Variants in AHNAK observed in about 807,000 individuals in gnomAD.
The protein encoded by AHNAK is neuroblast differentiation-associated protein AHNAK.
In AHNAK, 23 loss-of-function variants were observed where a neutral mutation model predicts 37.8. That is an observed-to-expected ratio of 0.61 (90% confidence interval 0.44 to 0.86). AHNAK has a LOEUF of 0.86. AHNAK is among the 40% of genes least tolerant of loss of function. AHNAK has a pLI of 0.00. For missense variants in AHNAK, 7,411 were observed against 7,319.4 expected (o/e 1.01, Z -0.46); for synonymous variants, 2,481 against 2,636.3 (o/e 0.94, Z 1.80).
At position 62,520,927 on chromosome 11, in the gene AHNAK, C is replaced by T. The variant is rs771786900; in HGVS notation, c.13490G>A (p.Gly4497Asp). Residue 4497 changes from glycine to aspartate, a missense_variant, in exon 5 of 5, where the codon GGT (glycine) becomes GAT (aspartate). Coordinates refer to ENST00000378024, the MANE Select transcript of AHNAK (RefSeq NM_001620.3). ...GGGACCTTTGAGCTTCCCTTCAGGACCTTCAATGTCTACCTCTGGCCCTTT... is the reference window on the plus strand; with the variant it reads ...GGGACCTTTGAGCTTCCCTTCAGGATCTTCAATGTCTACCTCTGGCCCTTT... The part of the protein sequence containing the change: ...DLKGPEVDIE[G>D]PEGKLKGPKF... The T allele has an allele frequency of 5.0e-6, 8 of 1,614,058 alleles. No individual in the cohort carries two copies. The Admixed American group carries it at 1.0e-4, about 20-fold the overall frequency.
At position 62,521,468 on chromosome 11, in the gene AHNAK, G is replaced by C. The variant is rs1284091520; in HGVS notation, c.12949C>G (p.Pro4317Ala). 3.7e-6 allele frequency: 6 copies of C among 1,612,972 alleles called. No individual in the cohort carries two copies. Among genetic ancestry groups the C allele is most frequent in the South Asian group, 1.1e-5 (1 of 91,006 alleles). Residue 4317 changes from proline to alanine, a missense_variant, in exon 5 of 5, where the codon CCC becomes GCC. Coordinates refer to ENST00000378024, the MANE Select transcript of AHNAK (RefSeq NM_001620.3). ...CTGAATTTGGGCATTTTCACCTTGG[G>C]CATCTTCAGGTGCCAGTCTGGGCCA... Reference protein sequence around the residue: ...VHGPDWHLKMPKVKMPKFSMP... With the variant: ...VHGPDWHLKMAKVKMPKFSMP...
At chr11:62,500,763 G>A (rs1939697689) in intron 4 of AHNAK, among the ~76,000 whole-genome samples, 2 of 152,094 alleles carry the variant, frequency 1.3e-5, no homozygotes, top group South Asian at 4.1e-4. Context: ...CTCCCCTTTG[G>A]CTGGGAAGAG....
intron 4 of AHNAK, among the ~76,000 whole-genome samples, chr11:62,497,954 G>A (rs1939640162): frequency 6.7e-6 from 1 of 149,718 alleles, no homozygotes. Context: ...ACAGAGGGGA[G>A]ACTTCATCTC....
At chr11:62,545,802 G>A (rs1231048461) in intron 1 of AHNAK, 1 of 152,446 alleles carries the variant, frequency 6.6e-6, no homozygotes, top group East Asian at 1.9e-4. Flanking sequence ...ACATTCCTCA[G>A]GCTGCTGGCG....
chr11:62,528,754 C>A lies in AHNAK; in HGVS notation c.5663G>T (p.Ser1888Ile), dbSNP rs368694262. The A allele has an allele frequency of 1.2e-5, 20 of 1,611,224 alleles. No homozygotes were observed. The highest frequency in any genetic ancestry group is 2.7e-5 in the African/African-American group (2 of 73,882). Residue 1888 changes from serine (S) to isoleucine (I), a missense_variant, in exon 5 of 5, where the codon AGT becomes ATT. Transcript: ENST00000378024. Reference sequence around the variant, plus strand: ...AACATCAGGCACCTCCACACCCACACTGGGGCCTGTTAAATCTCCCTCCAA... The same window carrying A: ...AACATCAGGCACCTCCACACCCACAATGGGGCCTGTTAAATCTCCCTCCAA... ...PKLEGDLTGP[S>I]VGVEVPDVEL...
At chr11:62,492,096 G>A (rs1164136363) in intron 4 of AHNAK, among the ~76,000 whole-genome samples, 2 of 152,100 alleles carry the variant, frequency 1.3e-5, no homozygotes, top group African/African-American at 4.8e-5. Context: ...ACACAAAGGG[G>A]ACAATGCTAT....
At chr11:62,492,149 G>C (rs1939515175) in intron 4 of AHNAK, among the ~76,000 whole-genome samples, 1 of 152,118 alleles carries the variant, frequency 6.6e-6, no homozygotes, top group African/African-American at 2.4e-5. Flanking sequence ...TCTCCTCAAG[G>C]GCTTTGCAAG....
chr11:62,536,426 AT>A (rs1940951605), intron 2 of AHNAK, 42 bp downstream of exon 2: 1 of 244,934 alleles, frequency 4.1e-6, no homozygotes, highest in South Asian at 1.2e-4. Context: ...CCCTCCCCAC[AT>A]CCCGTCACCT....
chr11:62,529,398 C>G lies in AHNAK; in HGVS notation c.5019G>C (p.Val1673=). Residue 1673 remains valine, a synonymous_variant, in exon 5 of 5, where the codon GTG becomes GTC. Coordinates refer to ENST00000378024, the MANE Select transcript of AHNAK (RefSeq NM_001620.3). The part of the protein sequence containing the change: ...KGPKVKGDMD[V]SVPKVEGEMK... ...TTTCACCTTCTACCTTGGGCACAGA[C>G]ACATCCATATCCCCTTTGACTTTGG... 6.2e-7 allele frequency: 1 copy of G among 1,613,908 alleles called. No homozygotes were observed.
chr11:62,518,374 G>A lies in AHNAK; in HGVS notation c.16043C>T (p.Pro5348Leu), dbSNP rs772771390. ...AAGCTTTGTTGTGGCATCGATCCCT[G>A]GCACTTTCACACCGTCTCCTCCCAC... is the stretch of plus-strand genomic sequence containing the variant. ...MQVGGDGVKVPGIDATTKLNV... is the reference protein window; with the variant it reads ...MQVGGDGVKVLGIDATTKLNV... The change falls in exon 5 of 5, where the codon CCA (proline) becomes CTA (leucine). Residue 5348 changes from proline to leucine, a missense_variant. Physicochemically the swap from Pro to Leu is moderately conservative, Grantham distance 98. Coordinates refer to ENST00000378024, the MANE Select transcript of AHNAK (RefSeq NM_001620.3). 1.9e-6 allele frequency: 3 copies of A among 1,613,904 alleles called. No homozygotes were observed. The highest frequency in any genetic ancestry group is 2.5e-6 in the Non-Finnish European group (3 of 1,180,012).
Position 62,519,587 on chromosome 11 carries a change from G to T in AHNAK, c.14830C>A (p.Leu4944Ile). The T allele has an allele frequency of 6.2e-7, 1 of 1,612,998 alleles. No individual in the cohort carries two copies. The highest frequency in any genetic ancestry group is 8.5e-7 in the Non-Finnish European group (1 of 1,179,564). The change falls in exon 5 of 5, where the codon CTC (leucine) becomes ATC (isoleucine). Residue 4944 changes from leucine to isoleucine, a missense_variant. Physicochemically the swap from Leu to Ile is conservative, Grantham distance 5. Transcript: ENST00000378024. ...GGAGCTTCAACTTTGGGTCCCTTGA[G>T]GTCCACTTCACCACCTTCTAACTTC... ...GPKLEGGEVD[L>I]KGPKVEAPSL...
rs751660659 is a variant in AHNAK, at chr11:62,516,313, C to G, written c.*431G>C. The G allele has an allele frequency of 1.1e-4, 142 of 1,289,468 alleles. No individual in the cohort carries two copies. In the South Asian group the frequency reaches 1.7e-3, roughly 15 times the overall value. The allele number at this position is 1,289,468 out of a possible 1,614,324, so 79.9% of individuals were successfully genotyped here. ...TCAGGAAAGAGGAAGACCTGACCTC[C>G]GTCTGCAACCCATCACCCCACCCAC... On this transcript the variant is annotated 3_prime_UTR_variant, in exon 5 of 5. Coordinates refer to ENST00000378024, the MANE Select transcript of AHNAK (RefSeq NM_001620.3).
chr11:62,528,863 C>A lies in AHNAK; in HGVS notation c.5554G>T (p.Ala1852Ser). The A allele has an allele frequency of 6.2e-7, 1 of 1,608,518 alleles. No homozygotes were observed. Among genetic ancestry groups the A allele is most frequent in the Non-Finnish European group, 8.5e-7 (1 of 1,177,898 alleles). ...ACATCAGGCATGGAGATCTTGGGGG[C>A]CTTGAAGTGCATCTCAGGCATCTTA... ...KFKMPEMHFK[A>S]PKISMPDVDL... The change falls in exon 5 of 5, where the codon GCC becomes TCC. Residue 1852 changes from alanine to serine, a missense_variant. Physicochemically the swap from Ala to Ser is moderately conservative, Grantham distance 99. Transcript: ENST00000378024.
At chr11:62,495,928 A>G (rs1939600133) in intron 4 of AHNAK, among the ~76,000 whole-genome samples, 1 of 151,600 alleles carries the variant, frequency 6.6e-6, no homozygotes, top group Admixed American at 6.6e-5. Context: ...ATATGCCTGT[A>G]ATCCCAGCTA....
At chr11:62,536,885 T>C (rs1590687762) in intron 1 of AHNAK, among the ~76,000 whole-genome samples, 1 of 152,156 alleles carries the variant, frequency 6.6e-6, no homozygotes, top group Non-Finnish European at 1.5e-5. Flanking sequence ...AATAGAGCAC[T>C]GGCCGGCAGG....
Position 62,520,590 on chromosome 11 carries a change from G to A in AHNAK, c.13827C>T (p.Gly4609=), listed in dbSNP as rs371307743. ...DLNLKGPKVK[G]DMDISLPKVE... ...CTTTGGGCAGAGAAATGTCCATGTCGCCCTTCACCTTTGGACCTTTCAGAT... is the reference window on the plus strand; with the variant it reads ...CTTTGGGCAGAGAAATGTCCATGTCACCCTTCACCTTTGGACCTTTCAGAT... Residue 4609 remains glycine (G), a synonymous_variant, in exon 5 of 5, where the codon GGC becomes GGT. Transcript: ENST00000378024. 2.5e-5 allele frequency: 40 copies of A among 1,613,708 alleles called. No homozygotes were observed. The East Asian group carries it at 3.3e-4, about 13-fold the overall frequency.
At chr11:62,481,089 GT>G (rs11355402) in intron 5 of AHNAK, among the ~76,000 whole-genome samples, 26,831 of 40,262 alleles carry the variant, frequency 0.67, 7,804 homozygotes, top group African/African-American at 0.73. Context: ...TCTTTTTTTG[GT>G]TTTTTTTTTT....
In AHNAK at chr11:62,536,011, C is replaced by T. The variant is rs1275952680; in HGVS notation, c.88G>A (p.Asp30Asn). 3 of 1,612,846 alleles carry T rather than the reference C, an allele frequency of 1.9e-6. No homozygotes were observed. The highest frequency in any genetic ancestry group is 2.5e-6 in the Non-Finnish European group (3 of 1,179,472). ...GTCACCTCCTGCACAAAGACGCCGT[C>T]GTCCCTCTGGGCGATGGTCAGCCCG... is the stretch of plus-strand genomic sequence containing the variant. Reference protein sequence around the residue: ...SHGLTIAQRDDGVFVQEVTQN... With the variant: ...SHGLTIAQRDNGVFVQEVTQN... The change falls in exon 3 of 5, where the codon GAC becomes AAC. Residue 30 changes from aspartate (D) to asparagine (N), a missense_variant. By Grantham distance (23) the Asp-to-Asn change is conservative. Coordinates refer to ENST00000378024, the MANE Select transcript of AHNAK (RefSeq NM_001620.3).
rs373188722 is a variant in AHNAK at position 62,530,240 on chromosome 11, G to C, written c.4177C>G (p.Pro1393Ala). 5 of 1,612,294 alleles carry C rather than the reference G, an allele frequency of 3.1e-6. No individual in the cohort carries two copies. Among genetic ancestry groups the C allele is most frequent in the South Asian group, 1.1e-5 (1 of 90,966 alleles). Reference sequence around the variant, plus strand: ...TCAGGGCCCTCTCCTTTGAAGCCGGGCATGCTGAACTTGGGCATTTTCACC... The same window carrying C: ...TCAGGGCCCTCTCCTTTGAAGCCGGCCATGCTGAACTTGGGCATTTTCACC... Reference protein sequence around the residue: ...PKVKMPKFSMPGFKGEGPEVD... With the variant: ...PKVKMPKFSMAGFKGEGPEVD... The change falls in exon 5 of 5, where the codon CCC (proline) becomes GCC (alanine). Residue 1393 changes from proline (P) to alanine (A), a missense_variant. By Grantham distance (27) the Pro-to-Ala change is conservative. Coordinates refer to ENST00000378024, the MANE Select transcript of AHNAK (RefSeq NM_001620.3).
Sources: allele counts gnomAD v4.1 joint callset (sites outside exome capture counted in the v4.1 genomes callset), GRCh38; gene constraint gnomAD v4.1.1; transcripts MANE v1.5; gene names NCBI Gene and HGNC (gene_info 2026-07-23, HGNC 2026-07-21).